GUCY1A2: variants seen among roughly 807,000 people sequenced by gnomAD.
The protein encoded by GUCY1A2 is guanylate cyclase soluble subunit alpha-2.
A neutral mutation model predicts 63.5 loss-of-function variants in GUCY1A2; 27 were observed. That is an observed-to-expected ratio of 0.43 (90% CI 0.31 to 0.59). The LOEUF (loss-of-function observed/expected upper bound fraction) is 0.59, where lower values mean the gene tolerates loss of function less well. Among genes scored for constraint, GUCY1A2 ranks in the 20% least tolerant of loss-of-function variants. GUCY1A2 has a pLI of 0.11. For synonymous variants in GUCY1A2, 364 were observed against 343.5 expected, an observed-to-expected ratio of 1.06 and a Z score of -0.66; for missense variants, 768 against 913.3, an observed-to-expected ratio of 0.84 and a Z score of 2.05.
intron 1 of GUCY1A2, among the ~76,000 whole-genome samples, chr11:107,013,551 G>C (rs1317852816): frequency 7.2e-5 from 11 of 152,092 alleles, no homozygotes; most frequent in Admixed American, 7.2e-4. Flanking sequence ...GAGGGTTTTT[G>C]TTTGTTTTGT....
intron 4 of GUCY1A2, among the ~76,000 whole-genome samples, 166 bp downstream of exon 4, chr11:106,939,294 G>C (rs1482308523): frequency 6.6e-6 from 1 of 152,122 alleles, no homozygotes; most frequent in Non-Finnish European, 1.5e-5. Flanking sequence ...AAAATGGCTG[G>C]GAATGAGGCC....
At chr11:106,739,342 T>G (rs1240621557) in intron 6 of GUCY1A2, among the ~76,000 whole-genome samples, 1 of 152,196 alleles carries the variant, frequency 6.6e-6, no homozygotes, top group African/African-American at 2.4e-5. Context: ...CAGAGACAAT[T>G]TGACTTCCTC....
Position 106,682,515 on chromosome 11 carries a change from C to T in GUCY1A2, c.*5034G>A. 1 of 210,460 alleles carries T rather than the reference C, an allele frequency of 4.8e-6. No homozygotes were observed. The highest frequency in any genetic ancestry group is 1.5e-3 in the Middle Eastern group (1 of 652). The allele number at this position is 210,460 out of a possible 1,614,324, so 13.0% of individuals were successfully genotyped here. A position where few individuals can be genotyped will look rare whatever the true frequency, so the allele number is the denominator to read the frequency against. ...AGCCAGATACTTCCAAGCAGATCAG[C>T]TGAACCACTGAACTAGGTCATTTCT... is the stretch of plus-strand genomic sequence containing the variant. On this transcript the variant is annotated 3_prime_UTR_variant, in exon 8 of 8. Transcript: ENST00000526355.
intron 4 of GUCY1A2, among the ~76,000 whole-genome samples, chr11:106,862,194 G>A (rs1029690252): frequency 3.3e-5 from 5 of 151,974 alleles, no homozygotes; most frequent in African/African-American, 1.2e-4. Flanking sequence ...TATAGGCTTT[G>A]AGGTCACAGA....
intron 4 of GUCY1A2, among the ~76,000 whole-genome samples, chr11:106,842,499 A>G (rs1591298670): frequency 1.3e-5 from 2 of 152,144 alleles, no homozygotes; most frequent in South Asian, 4.1e-4. Context: ...TATTTCTATA[A>G]GACTAAAAAT....
intron 6 of GUCY1A2, among the ~76,000 whole-genome samples, chr11:106,733,644 G>T (rs902726513): frequency 4.1e-4 from 63 of 152,146 alleles, no homozygotes; most frequent in African/African-American, 1.5e-3. Flanking sequence ...GAGATACGGA[G>T]CAGACACATG....
At chr11:106,750,849 T>A (rs1395228589) in intron 6 of GUCY1A2, among the ~76,000 whole-genome samples, 1 of 151,960 alleles carries the variant, frequency 6.6e-6, no homozygotes, top group African/African-American at 2.4e-5. Flanking sequence ...TTTCAAGGTG[T>A]CCCTGGATTA....
intron 6 of GUCY1A2, among the ~76,000 whole-genome samples, chr11:106,751,216 C>T (rs142550003): frequency 0.011 from 1,649 of 152,106 alleles, 18 homozygotes; most frequent in Middle Eastern, 0.051. Flanking sequence ...ATTATTCAAC[C>T]TTTGGTGACT....
intron 4 of GUCY1A2, among the ~76,000 whole-genome samples, chr11:106,927,604 ACCCAGG>A (rs1860544192): frequency 4.0e-5 from 6 of 151,182 alleles, no homozygotes; most frequent in Non-Finnish European, 7.4e-5. Context: ...TCGCTCTGTC[ACCCAGG>A]CTGGAGTGCA....
At chr11:106,967,476 C>T (rs1290907551) in intron 3 of GUCY1A2, among the ~76,000 whole-genome samples, 1 of 151,858 alleles carries the variant, frequency 6.6e-6, no homozygotes, top group East Asian at 1.9e-4. Flanking sequence ...TGAACAAAAC[C>T]CTATTGCATG....
At chr11:106,843,511 G>A (rs1859229324) in intron 4 of GUCY1A2, among the ~76,000 whole-genome samples, 1 of 151,802 alleles carries the variant, frequency 6.6e-6, no homozygotes, top group African/African-American at 2.4e-5. Context: ...ACAGCAAGTG[G>A]GAGAAGTTGA....
At chr11:106,772,155 C>G (rs1864268856) in intron 6 of GUCY1A2, among the ~76,000 whole-genome samples, 1 of 152,112 alleles carries the variant, frequency 6.6e-6, no homozygotes, top group South Asian at 2.1e-4. Context: ...CAATCATTTC[C>G]AAGCAATTGT....
intron 4 of GUCY1A2, among the ~76,000 whole-genome samples, chr11:106,894,233 C>T (rs1171862860): frequency 2.0e-5 from 3 of 152,040 alleles, no homozygotes; most frequent in African/African-American, 4.8e-5. Flanking sequence ...ATAAAGGGGT[C>T]AATTTTCCAG....
intron 4 of GUCY1A2, among the ~76,000 whole-genome samples, chr11:106,868,542 C>T (rs1033116506): frequency 1.3e-5 from 2 of 152,122 alleles, no homozygotes; most frequent in African/African-American, 2.4e-5. Context: ...AGGAATCCAA[C>T]TTACAAGGGA....
chr11:106,962,988 C>T (rs1010761973), intron 3 of GUCY1A2, among the ~76,000 whole-genome samples: 11 of 152,026 alleles, frequency 7.2e-5, no homozygotes, highest in Non-Finnish European at 1.2e-4. Context: ...TGACTTTACA[C>T]GCCTATTAGT....
chr11:106,821,659 A>T (rs1262016211), intron 4 of GUCY1A2, among the ~76,000 whole-genome samples: 1 of 152,186 alleles, frequency 6.6e-6, no homozygotes, highest in Non-Finnish European at 1.5e-5. Flanking sequence ...TTCTGCACAA[A>T]GCACTAACAC....
At chr11:106,742,166 A>G (rs1187718439) in intron 6 of GUCY1A2, among the ~76,000 whole-genome samples, 2 of 152,220 alleles carry the variant, frequency 1.3e-5, no homozygotes, top group Non-Finnish European at 2.9e-5. Flanking sequence ...GTAGCACATG[A>G]ATTTCAAATG....
intron 4 of GUCY1A2, among the ~76,000 whole-genome samples, chr11:106,856,405 A>T (rs1439522121): frequency 2.0e-5 from 3 of 152,196 alleles, no homozygotes; most frequent in Admixed American, 6.5e-5. Flanking sequence ...AAAGAACCAC[A>T]GAGAATAAAA....
At chr11:106,871,683 A>T (rs1026425712) in intron 4 of GUCY1A2, among the ~76,000 whole-genome samples, 1 of 152,204 alleles carries the variant, frequency 6.6e-6, no homozygotes, top group African/African-American at 2.4e-5. Context: ...ATTCACATGG[A>T]AAATGAAATG....
Sources: allele counts gnomAD v4.1 joint callset (sites outside exome capture counted in the v4.1 genomes callset), GRCh38; gene constraint gnomAD v4.1.1; transcripts MANE v1.5; gene names NCBI Gene and HGNC (gene_info 2026-07-23, HGNC 2026-07-21).